Variants in SNTG2 observed in about 807,000 individuals in gnomAD.
SNTG2 encodes the protein gamma-2-syntrophin.
SNTG2 carries 74 observed loss-of-function variants against 70.9 expected under a neutral mutation model. The observed-to-expected ratio is 1.04, with a 90% CI of 0.86 to 1.27. The LOEUF (loss-of-function observed/expected upper bound fraction) is 1.27, where lower values mean the gene tolerates loss of function less well. Among genes scored for constraint, SNTG2 ranks in the 50% most tolerant of loss-of-function variants. SNTG2 has a pLI of 0.00. For synonymous variants in SNTG2, 278 were observed against 273.8 expected, an observed-to-expected ratio of 1.02 and a Z score of -0.15; for missense variants, 717 against 690.7, an observed-to-expected ratio of 1.04 and a Z score of -0.43.
At chr2:1,061,423 T>C (rs953449511) in intron 1 of SNTG2, among the ~76,000 whole-genome samples, 3 of 152,224 alleles carry the variant, frequency 2.0e-5, no homozygotes, top group Admixed American at 1.3e-4. Context: ...AGACAACCTT[T>C]TCAAGGATGT....
intron 4 of SNTG2, among the ~76,000 whole-genome samples, chr2:1,100,565 C>T (rs376966758): frequency 2.6e-5 from 4 of 152,264 alleles, no homozygotes; most frequent in South Asian, 2.1e-4. Flanking sequence ...TGGCAGGGCC[C>T]AGTGCTTTGG....
intron 14 of SNTG2, among the ~76,000 whole-genome samples, chr2:1,290,646 C>G (rs990502736): frequency 6.6e-6 from 1 of 152,166 alleles, no homozygotes; most frequent in Non-Finnish European, 1.5e-5. Context: ...ACAACCAGAT[C>G]TCATGAGAAC....
chr2:1,330,166 C>T (rs771107074), intron 16 of SNTG2, among the ~76,000 whole-genome samples: 1 of 152,224 alleles, frequency 6.6e-6, no homozygotes. Flanking sequence ...CTCAACAATT[C>T]TCAGTGTTTT....
chr2:1,214,471 A>G (rs762734893), intron 9 of SNTG2, among the ~76,000 whole-genome samples: 1 of 152,070 alleles, frequency 6.6e-6, no homozygotes, highest in Non-Finnish European at 1.5e-5. Flanking sequence ...TCTTTCGTTA[A>G]ATTTACTCCT....
chr2:1,299,446 C>A (rs149693760), intron 14 of SNTG2, among the ~76,000 whole-genome samples: 389 of 152,312 alleles, frequency 2.6e-3, no homozygotes, highest in African/African-American at 9.0e-3. Context: ...ATTCCTCAAT[C>A]TGCAGCTCCT....
intron 8 of SNTG2, among the ~76,000 whole-genome samples, chr2:1,202,232 T>C (rs1208810520): frequency 6.6e-6 from 1 of 152,078 alleles, no homozygotes; most frequent in African/African-American, 2.4e-5. Flanking sequence ...AAGGACAAGA[T>C]GATGACACAG....
At chr2:977,545 A>G (rs950124187) in intron 1 of SNTG2, among the ~76,000 whole-genome samples, 24 of 152,290 alleles carry the variant, frequency 1.6e-4, no homozygotes, top group African/African-American at 5.8e-4. Flanking sequence ...CACTTGCACT[A>G]GTTAATAAAA....
At chr2:1,333,241 C>G (rs1280154637) in intron 16 of SNTG2, among the ~76,000 whole-genome samples, 1 of 152,002 alleles carries the variant, frequency 6.6e-6, no homozygotes, top group African/African-American at 2.4e-5. Flanking sequence ...TATACCTAAC[C>G]AAGGAGGTGA....
chr2:1,181,077 G>A (rs988271281), intron 8 of SNTG2, among the ~76,000 whole-genome samples: 9 of 152,124 alleles, frequency 5.9e-5, no homozygotes, highest in African/African-American at 2.2e-4. Flanking sequence ...TGGGGTGGGG[G>A]AAGGGGAGAG....
At chr2:1,168,924 A>G (rs1038006084) in intron 7 of SNTG2, among the ~76,000 whole-genome samples, 1 of 152,182 alleles carries the variant, frequency 6.6e-6, no homozygotes, top group Non-Finnish European at 1.5e-5. Context: ...AAGGGAGCGA[A>G]ATGTCACACG....
intron 4 of SNTG2, among the ~76,000 whole-genome samples, chr2:1,101,118 C>A (rs1240709577): frequency 6.6e-6 from 1 of 152,206 alleles, no homozygotes; most frequent in African/African-American, 2.4e-5. Flanking sequence ...AGTGTGGTAG[C>A]CCCAGTGGGA....
chr2:1,229,586 C>T (rs1029226827), intron 9 of SNTG2, among the ~76,000 whole-genome samples: 44 of 152,350 alleles, frequency 2.9e-4, no homozygotes, highest in Middle Eastern at 3.4e-3. Flanking sequence ...GCCAGTCCCG[C>T]GCCGTGCGCT....
chr2:1,324,666 C>T (rs564856177), intron 16 of SNTG2, among the ~76,000 whole-genome samples: 1 of 152,284 alleles, frequency 6.6e-6, no homozygotes, highest in South Asian at 2.1e-4. Context: ...TCTCTCCAGT[C>T]CCCCAGTTTT....
intron 1 of SNTG2, among the ~76,000 whole-genome samples, chr2:1,023,379 ATGCTG>A (rs1458922517): frequency 6.6e-6 from 1 of 151,924 alleles, no homozygotes; most frequent in Admixed American, 6.6e-5. Flanking sequence ...GGCTGAATTG[ATGCTG>A]TGTTGGAGGC....
intron 14 of SNTG2, among the ~76,000 whole-genome samples, chr2:1,281,233 G>GTATATGGT (rs1558175704): frequency 2.3e-4 from 1 of 4,286 alleles, no homozygotes. Context: ...GTGTTTATGT[G>GTATATGGT]GTGTGGTGTG....
chr2:1,222,117 C>CTCTCTCTGTCTCTCTCTGTCTCTCTCTG (rs1675212501), intron 9 of SNTG2, among the ~76,000 whole-genome samples: 5 of 37,452 alleles, frequency 1.3e-4, no homozygotes, highest in Non-Finnish European at 3.8e-4. Flanking sequence ...CTCTCTCTGT[C>CTCTCTCTGTCTCTCTCTGTCTCTCTCTG]TCTCTCTGTC....
At chr2:1,199,181 C>T (rs959813389) in intron 8 of SNTG2, among the ~76,000 whole-genome samples, 1 of 81,174 alleles carries the variant, frequency 1.2e-5, no homozygotes, top group Non-Finnish European at 2.6e-5. Flanking sequence ...AGGTAACACA[C>T]CATCATCAAG....
intron 1 of SNTG2, among the ~76,000 whole-genome samples, chr2:1,044,169 A>G (rs1189971004): frequency 6.6e-6 from 1 of 151,170 alleles, no homozygotes; most frequent in Non-Finnish European, 1.5e-5. Context: ...TAGGTATTTT[A>G]TTGTTTTTGT....
chr2:1,133,139 A>G (rs1019148427), intron 4 of SNTG2, among the ~76,000 whole-genome samples: 5 of 152,208 alleles, frequency 3.3e-5, no homozygotes, highest in African/African-American at 1.2e-4. Context: ...CATAAGGACT[A>G]TGAAGGTTGT....
Sources: allele counts gnomAD v4.1 joint callset (sites outside exome capture counted in the v4.1 genomes callset), GRCh38; gene constraint gnomAD v4.1.1; transcripts MANE v1.5; gene names NCBI Gene and HGNC (gene_info 2026-07-23, HGNC 2026-07-21).